Variants in PGGT1B observed in about 807,000 individuals in gnomAD.
PGGT1B encodes the protein geranylgeranyl transferase type-1 subunit beta.
PGGT1B carries 30 observed loss-of-function variants against 46.1 expected under a neutral mutation model. The observed-to-expected ratio is 0.65, with a 90% CI of 0.49 to 0.88. PGGT1B has a LOEUF of 0.88. PGGT1B is among the 40% of genes least tolerant of loss of function. The pLI is 0.00. For missense variants in PGGT1B, 376 were observed against 455.9 expected (o/e 0.82, Z 1.60); for synonymous variants, 170 against 160.0 (o/e 1.06, Z -0.47).
rs1756183252 is a variant in PGGT1B, at chr5:115,210,241, G to A, written c.*2161C>T. 1.3e-5 allele frequency: 2 copies of A among 152,066 alleles called. No individual in the cohort carries two copies. The highest frequency in any genetic ancestry group is 6.6e-5 in the Admixed American group (1 of 15,240). 9.4% of individuals were successfully genotyped at this position (152,066 alleles called of 1,614,324 possible). Reference sequence around the variant, plus strand: ...GGGGCGGGAAGGAGACAAGTATAGAGTAGGTAACAGAGCTTTTTGAGATTT... The same window carrying A: ...GGGGCGGGAAGGAGACAAGTATAGAATAGGTAACAGAGCTTTTTGAGATTT... On this transcript the variant is annotated 3_prime_UTR_variant, in exon 9 of 9. Transcript: ENST00000419445.
intron 2 of PGGT1B, among the ~76,000 whole-genome samples, chr5:115,243,399 A>C (rs1212037542): frequency 6.6e-6 from 1 of 152,248 alleles, no homozygotes; most frequent in Non-Finnish European, 1.5e-5. Context: ...CTATGTAGCA[A>C]CACAGAGAAA....
At chr5:115,216,776 A>T in intron 8 of PGGT1B, 89 bp downstream of exon 8, 1 of 727,458 alleles carries the variant, frequency 1.4e-6, no homozygotes, top group East Asian at 2.6e-5. Flanking sequence ...AACTGGATAT[A>T]TTTTCTATCA....
intron 2 of PGGT1B, among the ~76,000 whole-genome samples, chr5:115,245,317 TTC>T (rs1206882103): frequency 6.6e-6 from 1 of 152,258 alleles, no homozygotes; most frequent in Non-Finnish European, 1.5e-5. Flanking sequence ...GTTTGTTCAC[TTC>T]TGTTTTTAGC....
In PGGT1B at chr5:115,262,733, T is replaced by A; in HGVS notation, c.119A>T (p.Tyr40Phe). ...TTACCTGCTTGTCTCGAGTGAAGAA[T>A]AGCGCTCCGGCAAAACCTGGAGGCA... The part of the protein sequence containing the change: ...QRCLQVLPER[Y>F]SSLETSRLTI... Residue 40 changes from tyrosine to phenylalanine, a missense_variant, in exon 1 of 9, where the codon TAT becomes TTT. This residue lies in a region of PGGT1B where 154 missense variants were observed against 142.3 expected (regional missense o/e 1.08). Coordinates refer to ENST00000419445, the MANE Select transcript of PGGT1B (RefSeq NM_005023.4). The A allele has an allele frequency of 6.2e-7, 1 of 1,611,642 alleles. No homozygotes were observed. The highest frequency in any genetic ancestry group is 8.5e-7 in the Non-Finnish European group (1 of 1,178,848).
At position 115,211,598 on chromosome 5, in the gene PGGT1B, C is replaced by CAAAAAAA. The variant is rs34207751; in HGVS notation, c.*797_*803dup. ...AAAAGATTGTTTTCTTCCTAGAAAG[C>CAAAAAAA]AAAAAAAAAAAAAAAAAAAAAAAGG... On this transcript the variant is annotated 3_prime_UTR_variant, in exon 9 of 9. Transcript: ENST00000419445. The CAAAAAAA allele has an allele frequency of 1.5e-3, 110 of 72,824 alleles. No homozygotes were observed. Among genetic ancestry groups the CAAAAAAA allele is most frequent in the African/African-American group, 1.9e-3 (35 of 18,174 alleles). The allele number at this position is 72,824 out of a possible 1,614,324, so 4.5% of individuals were successfully genotyped here.
chr5:115,244,274 G>T (rs1747701889), intron 2 of PGGT1B, among the ~76,000 whole-genome samples: 1 of 151,444 alleles, frequency 6.6e-6, no homozygotes, highest in Non-Finnish European at 1.5e-5. Context: ...GACCATCCTG[G>T]CTAACACAGT....
chr5:115,231,878 G>A (rs943070747), intron 5 of PGGT1B: 6 of 152,014 alleles, frequency 3.9e-5, no homozygotes, highest in African/African-American at 7.2e-5. Flanking sequence ...ACAAAACTCC[G>A]TTGCTGGCTC....
At chr5:115,252,901 G>C (rs1163588261) in intron 2 of PGGT1B, 2 of 451,912 alleles carry the variant, frequency 4.4e-6, no homozygotes, top group African/African-American at 4.2e-5. Flanking sequence ...ACATAGTATG[G>C]TGCCACAACT....
intron 2 of PGGT1B, among the ~76,000 whole-genome samples, chr5:115,247,561 T>A (rs1580773930): frequency 6.6e-6 from 1 of 152,142 alleles, no homozygotes; most frequent in South Asian, 2.1e-4. Flanking sequence ...GATAGAGAAA[T>A]AATTCCACAT....
intron 6 of PGGT1B, among the ~76,000 whole-genome samples, chr5:115,223,658 G>A (rs1756662366): frequency 6.6e-6 from 1 of 152,182 alleles, no homozygotes; most frequent in Non-Finnish European, 1.5e-5. Context: ...CGGAAATGGA[G>A]AGGATAAATT....
chr5:115,225,357 T>C (rs1213969657), intron 6 of PGGT1B, among the ~76,000 whole-genome samples: 2 of 152,036 alleles, frequency 1.3e-5, no homozygotes, highest in African/African-American at 2.4e-5. Flanking sequence ...CTACCCCAAT[T>C]CTTCCAACTG....
intron 7 of PGGT1B, among the ~76,000 whole-genome samples, chr5:115,217,287 C>T (rs918633910): frequency 2.6e-5 from 4 of 151,632 alleles, no homozygotes; most frequent in African/African-American, 9.7e-5. Flanking sequence ...TTAAAAAGTA[C>T]AATTTTATCT....
At chr5:115,260,799 C>T (rs1358475043) in intron 1 of PGGT1B, among the ~76,000 whole-genome samples, 1 of 152,136 alleles carries the variant, frequency 6.6e-6, no homozygotes, top group Non-Finnish European at 1.5e-5. Context: ...TATGCTCATA[C>T]TAAAGTTAAA....
rs753014318 is a variant in PGGT1B, at chr5:115,238,006, G to A, written c.331C>T (p.Pro111Ser). 3.1e-6 allele frequency: 5 copies of A among 1,591,138 alleles called. No individual in the cohort carries two copies. The highest frequency in any genetic ancestry group is 4.3e-6 in the Non-Finnish European group (5 of 1,171,124). Residue 111 changes from proline to serine, a missense_variant, in exon 4 of 9, where the codon CCT (proline) becomes TCT (serine). Physicochemically the swap from Pro to Ser is moderately conservative, Grantham distance 74. Coordinates refer to ENST00000419445, the MANE Select transcript of PGGT1B (RefSeq NM_005023.4). ...LGIPFNPSKA[P>S]GTAHPYDSGH... ...CTATCATAAGGATGAGCTGTTCCAG[G>A]AGCCTAAATACAAAATTAATATAGT...
In PGGT1B at chr5:115,204,105, CATTGTTGAATTATAAA is replaced by C. The variant is rs1230471675; in HGVS notation, c.*8281_*8296del. ...TTTTCGGGGGTAGGAGTAAAGATCA[CATTGTTGAATTATAAA>C]GAGCTTACTGTTAAGAATCCTATCT... On this transcript the variant is annotated 3_prime_UTR_variant, in exon 9 of 9. Coordinates refer to ENST00000419445, the MANE Select transcript of PGGT1B (RefSeq NM_005023.4). 1.3e-5 allele frequency: 2 copies of C among 152,150 alleles called. No homozygotes were observed. Among genetic ancestry groups the C allele is most frequent in the African/African-American group, 4.8e-5 (2 of 41,430 alleles). 9.4% of individuals were successfully genotyped at this position (152,150 alleles called of 1,614,324 possible).
chr5:115,235,855 A>G (rs993917925), intron 5 of PGGT1B, among the ~76,000 whole-genome samples: 1 of 152,280 alleles, frequency 6.6e-6, no homozygotes, highest in South Asian at 2.1e-4. Flanking sequence ...AAATATTCTA[A>G]CAGCCTCAAA....
At chr5:115,255,275 T>C (rs923611407) in intron 1 of PGGT1B, among the ~76,000 whole-genome samples, 1 of 152,176 alleles carries the variant, frequency 6.6e-6, no homozygotes, top group African/African-American at 2.4e-5. Context: ...CCCAGAGGAA[T>C]GTGCTTCTCC....
chr5:115,234,043 A>G (rs1360008137), intron 5 of PGGT1B, among the ~76,000 whole-genome samples: 1 of 151,990 alleles, frequency 6.6e-6, no homozygotes, highest in Non-Finnish European at 1.5e-5. Flanking sequence ...TAAATGTAGA[A>G]TAGCTGAAAA....
At chr5:115,257,234 T>A (rs1209462519) in intron 1 of PGGT1B, among the ~76,000 whole-genome samples, 2 of 151,992 alleles carry the variant, frequency 1.3e-5, no homozygotes, top group Non-Finnish European at 2.9e-5. Context: ...ACAAGAAGGA[T>A]GGGCGCAGTG....
Sources: allele counts gnomAD v4.1 joint callset (sites outside exome capture counted in the v4.1 genomes callset), GRCh38; gene constraint gnomAD v4.1.1; regional missense constraint gnomAD v4.1.1; transcripts MANE v1.5; gene names NCBI Gene and HGNC (gene_info 2026-07-23, HGNC 2026-07-21).